The following CCNT2 variants were observed in gnomAD, a reference collection of about 807,000 sequenced individuals.
CCNT2 encodes cyclin-T2.
A neutral mutation model predicts 70.0 loss-of-function variants in CCNT2; 18 were observed. The observed-to-expected ratio is 0.26, with a 90% CI of 0.18 to 0.38. The LOEUF is 0.38. CCNT2 is among the 10% of genes least tolerant of loss of function. CCNT2 has a pLI of 1.00. For synonymous variants in CCNT2, 334 were observed against 313.3 expected (o/e 1.07, Z -0.70); for missense variants, 734 against 890.2 (o/e 0.82, Z 2.23).
rs1018349971 is a variant in CCNT2, at chr2:134,954,296, C to T, written c.1841C>T (p.Ser614Phe). The change falls in exon 9 of 9, where the codon TCC (serine) becomes TTC (phenylalanine). Residue 614 changes from serine to phenylalanine, a missense_variant. This residue lies in a region of CCNT2 where 532 missense variants were observed against 556.9 expected (regional missense o/e 0.96). Transcript: ENST00000264157. ...AGCAGTGATGGCATTTCCTCTAGCT[C>T]CAGCTCTTCAAGGAAGAGGCTGCAT... The part of the protein sequence containing the change: ...GLSSDGISSS[S>F]SSSRKRLHVN... The T allele has an allele frequency of 6.2e-7, 1 of 1,613,988 alleles. No homozygotes were observed. Among genetic ancestry groups the T allele is most frequent in the African/African-American group, 1.3e-5 (1 of 74,930 alleles).
chr2:134,949,028 T>A (rs533135741), intron 7 of CCNT2, among the ~76,000 whole-genome samples: 1 of 151,282 alleles, frequency 6.6e-6, no homozygotes, highest in East Asian at 1.9e-4. Context: ...TTTTGTGTTG[T>A]TTTGTTTTTT....
chr2:134,942,503 T>C (rs1681649963), intron 4 of CCNT2, 109 bp from the exon 5 acceptor site: 3 of 568,020 alleles, frequency 5.3e-6, no homozygotes, highest in South Asian at 8.5e-5. Context: ...GAGAAACTTA[T>C]AACTTTGGAT....
In CCNT2 at chr2:134,954,180, T is replaced by A. The variant is rs1427555880; in HGVS notation, c.1725T>A (p.His575Gln). 1 of 1,614,038 alleles carries A rather than the reference T, an allele frequency of 6.2e-7. No homozygotes were observed. The highest frequency in any genetic ancestry group is 8.5e-7 in the Non-Finnish European group (1 of 1,180,028). Residue 575 changes from histidine to glutamine, a missense_variant, in exon 9 of 9, where the codon CAT becomes CAA. By Grantham distance (24) the His-to-Gln change is conservative. This residue lies in a region of CCNT2 where 532 missense variants were observed against 556.9 expected (regional missense o/e 0.96). Transcript: ENST00000264157. ...GCCACCACACCAGCAGCCACAAGCATTCCCACTCGCATAGTGGCAGCAGCA... is the reference window on the plus strand; with the variant it reads ...GCCACCACACCAGCAGCCACAAGCAATCCCACTCGCATAGTGGCAGCAGCA... ...SSRHHTSSHK[H>Q]SHSHSGSSSG...
rs377346816 is a variant in CCNT2, at chr2:134,918,879, T to G, written c.25T>G (p.Ser9Ala). ...CATGGCGTCGGGCCGTGGAGCTTCT[T>G]CTCGCTGGTTCTTTACTCGGGAACA... MASGRGAS[S>A]RWFFTREQLE... Residue 9 changes from serine (S) to alanine (A), a missense_variant, in exon 1 of 9, where the codon TCT (serine) becomes GCT (alanine). Coordinates refer to ENST00000264157, the MANE Select transcript of CCNT2 (RefSeq NM_058241.3). The G allele has an allele frequency of 3.3e-5, 53 of 1,613,644 alleles. 1 individual carries two copies. The Middle Eastern group carries it at 1.2e-3, about 35-fold the overall frequency.
Position 134,922,397 on chromosome 2 carries a change from C to G in CCNT2, c.240+2506C>G, listed in dbSNP as rs76742985. On this transcript the variant is annotated intron_variant, in intron 2 of 8. Coordinates refer to ENST00000264157, the MANE Select transcript of CCNT2 (RefSeq NM_058241.3). The stretch of plus-strand genomic sequence containing the variant: ...TTGACATATTAAAAGTTTTAAAACC[C>G]CCAAAAGTAATGTGCTGCTGTATTA... 4.6e-5 allele frequency among the ~76,000 whole-genome samples: 7 copies of G among 152,028 alleles called. No individual in the cohort carries two copies. The East Asian group carries it at 1.3e-3, about 29-fold the overall frequency.
In CCNT2 at chr2:134,954,023, T is replaced by C; in HGVS notation, c.1568T>C (p.Leu523Pro). ...PTDKSASKEELKMKIKVSSSE... is the reference protein window; with the variant it reads ...PTDKSASKEEPKMKIKVSSSE... Reference sequence around the variant, plus strand: ...GATAAAAGCGCCAGTAAAGAAGAACTGAAAATGAAAATAAAAGTTTCTTCT... The same window carrying C: ...GATAAAAGCGCCAGTAAAGAAGAACCGAAAATGAAAATAAAAGTTTCTTCT... The change falls in exon 9 of 9, where the codon CTG becomes CCG. Residue 523 changes from leucine (L) to proline (P), a missense_variant. Transcript: ENST00000264157. The C allele has an allele frequency of 6.2e-7, 1 of 1,614,046 alleles. No individual in the cohort carries two copies. Among genetic ancestry groups the C allele is most frequent in the Non-Finnish European group, 8.5e-7 (1 of 1,179,984 alleles).
intron 8 of CCNT2, 177 bp from the exon 9 acceptor site, chr2:134,953,053 A>G: frequency 2.0e-6 from 1 of 510,614 alleles, no homozygotes; most frequent in Non-Finnish European, 3.4e-6. Flanking sequence ...AATTTTTTAT[A>G]GCCTTTTATG....
intron 2 of CCNT2, among the ~76,000 whole-genome samples, chr2:134,935,519 G>A (rs999007831): frequency 1.3e-5 from 2 of 152,118 alleles, no homozygotes; most frequent in East Asian, 1.9e-4. Flanking sequence ...GTTTCTGTAC[G>A]GTAATTGTTG....
intron 3 of CCNT2, 104 bp downstream of exon 3, chr2:134,937,073 G>A: frequency 2.8e-6 from 2 of 717,660 alleles, no homozygotes. Context: ...CCTTCCAAAT[G>A]CTGCTTGTTT....
intron 2 of CCNT2, chr2:134,920,400 C>T (rs1315697326): frequency 1.3e-5 from 2 of 152,322 alleles, no homozygotes; most frequent in Non-Finnish European, 2.9e-5. Flanking sequence ...CTGTTTATCA[C>T]GTTAGCATCA....
chr2:134,925,427 A>T (rs994957241), intron 2 of CCNT2, among the ~76,000 whole-genome samples: 7 of 152,062 alleles, frequency 4.6e-5, no homozygotes, highest in African/African-American at 1.7e-4. Context: ...AGAAGTCTTC[A>T]CTACACCAAA....
chr2:134,919,064 C>T, intron 1 of CCNT2, 52 bp downstream of exon 1: 1 of 1,531,258 alleles, frequency 6.5e-7, no homozygotes, highest in Non-Finnish European at 8.8e-7. Context: ...TGCCCGGTCG[C>T]CGGGCCTGGT....
Position 134,957,472 on chromosome 2 carries a change from G to GCA in CCNT2, c.*2827_*2828dup, listed in dbSNP as rs921747355. On this transcript the variant is annotated 3_prime_UTR_variant, in exon 9 of 9. Coordinates refer to ENST00000264157, the MANE Select transcript of CCNT2 (RefSeq NM_058241.3). ...ACTGATTTGTTACCTTTACACAGAAGCACATTGCAAAGAAAGGCTTTATTT... is the reference window on the plus strand; with the variant it reads ...ACTGATTTGTTACCTTTACACAGAAGCACACATTGCAAAGAAAGGCTTTATTT... 6.6e-6 allele frequency: 1 copy of GCA among 152,124 alleles called. No homozygotes were observed. Among genetic ancestry groups the GCA allele is most frequent in the Non-Finnish European group, 1.5e-5 (1 of 68,010 alleles). 9.4% of individuals were successfully genotyped at this position (152,124 alleles called of 1,614,324 possible). A position where few individuals can be genotyped will look rare whatever the true frequency, so the allele number is the denominator to read the frequency against.
chr2:134,935,771 C>T (rs1171414458), intron 2 of CCNT2, among the ~76,000 whole-genome samples: 1 of 151,466 alleles, frequency 6.6e-6, no homozygotes, highest in African/African-American at 2.4e-5. Flanking sequence ...TGCTTGTGTT[C>T]TTATATTTCT....
Position 134,954,864 on chromosome 2 carries a change from G to A in CCNT2, c.*216G>A, listed in dbSNP as rs929552100. ...AGTGTTATAAATACTGTAAAAGCATGGAAGGTGCAAAACTCAGTATTTCTA... is the reference window on the plus strand; with the variant it reads ...AGTGTTATAAATACTGTAAAAGCATAGAAGGTGCAAAACTCAGTATTTCTA... On this transcript the variant is annotated 3_prime_UTR_variant, in exon 9 of 9. Transcript: ENST00000264157. The A allele has an allele frequency of 1.7e-5, 8 of 480,972 alleles. No homozygotes were observed. Among genetic ancestry groups the A allele is most frequent in the African/African-American group, 1.3e-4 (7 of 52,100 alleles). 29.8% of individuals were successfully genotyped at this position (480,972 alleles called of 1,614,324 possible).
intron 4 of CCNT2, among the ~76,000 whole-genome samples, chr2:134,941,711 CATT>C (rs559696445): frequency 8.9e-4 from 136 of 152,150 alleles, no homozygotes; most frequent in African/African-American, 3.2e-3. Context: ...AATCATAAAT[CATT>C]ATAAAATATT....
chr2:134,949,988 T>G (rs904532923), intron 7 of CCNT2, among the ~76,000 whole-genome samples: 2 of 151,850 alleles, frequency 1.3e-5, no homozygotes, highest in Non-Finnish European at 2.9e-5. Flanking sequence ...AGAGATAGGG[T>G]TTTCACCATG....
chr2:134,919,102 C>T lies in CCNT2; in HGVS notation c.158+90C>T, dbSNP rs1437367721. 6.9e-6 allele frequency: 10 copies of T among 1,441,852 alleles called. No individual in the cohort carries two copies. The East Asian group carries it at 9.4e-5, about 14-fold the overall frequency. The allele number at this position is 1,441,852 out of a possible 1,614,324, so 89.3% of individuals were successfully genotyped here. A position where few individuals can be genotyped will look rare whatever the true frequency, so the allele number is the denominator to read the frequency against. On this transcript the variant is annotated intron_variant, in intron 1 of 8. Transcript: ENST00000264157. ...CCCGCGAACATGGCGCCGCCGGCCT[C>T]GGCCTTCGCTGGGCCTCGGCGCCGC... is the stretch of plus-strand genomic sequence containing the variant.
At chr2:134,927,235 C>G (rs1680360654) in intron 2 of CCNT2, among the ~76,000 whole-genome samples, 1 of 152,194 alleles carries the variant, frequency 6.6e-6, no homozygotes, top group Non-Finnish European at 1.5e-5. Flanking sequence ...TGCCTAATTA[C>G]AGGGATACTG....
Sources: allele counts gnomAD v4.1 joint callset (sites outside exome capture counted in the v4.1 genomes callset), GRCh38; gene constraint gnomAD v4.1.1; regional missense constraint gnomAD v4.1.1; transcripts MANE v1.5; gene names NCBI Gene and HGNC (gene_info 2026-07-23, HGNC 2026-07-21).